Variants in ERBB4 observed in about 807,000 individuals in gnomAD.
ERBB4 encodes the protein erb-b2 receptor tyrosine kinase 4.
A neutral mutation model predicts 158.0 loss-of-function variants in ERBB4; 42 were observed. That is an observed-to-expected ratio of 0.27 (90% CI 0.21 to 0.34). The LOEUF is 0.34. Among genes scored for constraint, ERBB4 ranks in the 10% least tolerant of loss-of-function variants. The pLI is 1.00. For missense variants in ERBB4, 1,333 were observed against 1,624.1 expected (o/e 0.82, Z 3.08); for synonymous variants, 583 against 558.7 (o/e 1.04, Z -0.61).
chr2:211,762,460 C>G (rs1350028287), intron 4 of ERBB4, among the ~76,000 whole-genome samples: 1 of 151,942 alleles, frequency 6.6e-6, no homozygotes, highest in Non-Finnish European at 1.5e-5. Flanking sequence ...GGCTGGTGCA[C>G]GTGGAGAGAG....
chr2:212,064,991 GTGT>G, intron 2 of ERBB4, among the ~76,000 whole-genome samples: 1 of 14,016 alleles, frequency 7.1e-5, no homozygotes, highest in East Asian at 0.042. Flanking sequence ...TCTTTATGGT[GTGT>G]GTGTGTGTGT....
chr2:211,994,383 T>C (rs983113801), intron 2 of ERBB4, among the ~76,000 whole-genome samples: 2 of 152,140 alleles, frequency 1.3e-5, no homozygotes, highest in Non-Finnish European at 2.9e-5. Flanking sequence ...TCCTCCCCCA[T>C]TGGCCTCCCA....
intron 2 of ERBB4, among the ~76,000 whole-genome samples, chr2:212,001,244 T>G (rs1260998991): frequency 6.6e-6 from 1 of 152,160 alleles, no homozygotes; most frequent in Admixed American, 6.5e-5. Context: ...CAGTGGTTGC[T>G]GAAGTTATTG....
intron 3 of ERBB4, among the ~76,000 whole-genome samples, chr2:211,900,669 T>C (rs77578747): frequency 6.6e-5 from 10 of 152,320 alleles, no homozygotes; most frequent in East Asian, 5.8e-4. Flanking sequence ...CCTAGTGTTA[T>C]ATTTAGCAAG....
intron 9 of ERBB4, among the ~76,000 whole-genome samples, chr2:211,710,122 A>G (rs2073638440): frequency 6.6e-6 from 1 of 152,144 alleles, no homozygotes; most frequent in African/African-American, 2.4e-5. Flanking sequence ...TATAAATTTT[A>G]TTTCAGAATT....
At chr2:212,445,280 A>T (rs2092325846) in intron 1 of ERBB4, among the ~76,000 whole-genome samples, 1 of 152,116 alleles carries the variant, frequency 6.6e-6, no homozygotes, top group Non-Finnish European at 1.5e-5. Context: ...CATAGCCAGG[A>T]TTCACGGGTC....
intron 1 of ERBB4, among the ~76,000 whole-genome samples, chr2:212,444,776 C>G (rs2092317810): frequency 6.6e-6 from 1 of 152,098 alleles, no homozygotes; most frequent in Non-Finnish European, 1.5e-5. Context: ...AATTTGGCAG[C>G]AGCAGAAACC....
intron 3 of ERBB4, among the ~76,000 whole-genome samples, chr2:211,828,538 A>T (rs549154419): frequency 1.9e-4 from 29 of 151,548 alleles, no homozygotes; most frequent in Non-Finnish European, 3.4e-4. Context: ...ACAACAACAG[A>T]CTCAGAACAC....
intron 1 of ERBB4, among the ~76,000 whole-genome samples, chr2:212,522,279 T>A (rs1692212500): frequency 6.6e-6 from 1 of 151,988 alleles, no homozygotes; most frequent in Non-Finnish European, 1.5e-5. Context: ...TGAGATATTG[T>A]ATAAGAAGTG....
chr2:211,910,714 C>T (rs1273971820), intron 3 of ERBB4, among the ~76,000 whole-genome samples: 1 of 152,028 alleles, frequency 6.6e-6, no homozygotes, highest in African/African-American at 2.4e-5. Flanking sequence ...ATTTGTACCC[C>T]TAAACTTAAA....
At chr2:211,684,486 A>G (rs2072483707) in intron 12 of ERBB4, among the ~76,000 whole-genome samples, 1 of 152,100 alleles carries the variant, frequency 6.6e-6, no homozygotes. Context: ...AAAGAAAAGA[A>G]GAAAAGAAAA....
chr2:212,338,894 T>C (rs2088571314), intron 1 of ERBB4, among the ~76,000 whole-genome samples: 1 of 152,136 alleles, frequency 6.6e-6, no homozygotes, highest in African/African-American at 2.4e-5. Context: ...AATAGACTCA[T>C]CCATTCTCAA....
In ERBB4 at chr2:211,997,910, C is replaced by CACAT. The variant is rs1491220857; in HGVS notation, c.235-50295_235-50294insATGT. On this transcript the variant is annotated intron_variant, in intron 2 of 27. Coordinates refer to ENST00000342788, the MANE Select transcript of ERBB4 (RefSeq NM_005235.3). ...AGATTATTTTTATACACACACACAT[C>CACAT]ACACACACACACACACACACACAAA... is the stretch of plus-strand genomic sequence containing the variant. Among the ~76,000 whole-genome samples, 27 of 7,384 alleles carry CACAT rather than the reference C, an allele frequency of 3.7e-3. No homozygotes were observed. The South Asian group carries it at 0.051, about 14-fold the overall frequency. The allele number at this position is 7,384 out of a possible 152,430, so 4.8% of individuals were successfully genotyped here.
intron 20 of ERBB4, among the ~76,000 whole-genome samples, chr2:211,519,154 T>A (rs1293832754): frequency 1.3e-5 from 2 of 152,154 alleles, no homozygotes; most frequent in Non-Finnish European, 2.9e-5. Flanking sequence ...AGCATCTTGG[T>A]GGTAAATGAT....
chr2:211,697,778 C>T (rs2106018726), intron 12 of ERBB4, among the ~76,000 whole-genome samples: 1 of 152,148 alleles, frequency 6.6e-6, no homozygotes, highest in African/African-American at 2.4e-5. Context: ...GTGTTTGGAA[C>T]AAGGTTAATT....
At chr2:211,495,094 G>GA (rs1462105222) in intron 20 of ERBB4, among the ~76,000 whole-genome samples, 1 of 151,740 alleles carries the variant, frequency 6.6e-6, no homozygotes, top group African/African-American at 2.4e-5. Flanking sequence ...CAAAAATGGG[G>GA]AAAAAGTAGC....
intron 1 of ERBB4, among the ~76,000 whole-genome samples, chr2:212,293,899 T>C (rs555645868): frequency 2.0e-5 from 3 of 147,626 alleles, no homozygotes; most frequent in South Asian, 4.3e-4. Flanking sequence ...GTATGATGTG[T>C]ATAAGATGAT....
chr2:211,387,118 A>T lies in ERBB4; in HGVS notation c.3216T>A (p.Ala1072=), dbSNP rs776643311. 6.8e-6 allele frequency: 11 copies of T among 1,613,924 alleles called. No individual in the cohort carries two copies. The highest frequency in any genetic ancestry group is 9.3e-6 in the Non-Finnish European group (11 of 1,179,900). ...AGGGCACAGACACTCCTTGTTCAGC[A>T]GCAAAACCTCCATCTCGGTATACAA... The part of the protein sequence containing the change: ...NQFVYRDGGF[A]AEQGVSVPYR... The change falls in exon 27 of 28, where the codon GCT becomes GCA. Residue 1072 remains alanine, a synonymous_variant. Transcript: ENST00000342788.
chr2:211,882,587 G>A (rs1019779179), intron 3 of ERBB4, among the ~76,000 whole-genome samples: 3 of 152,130 alleles, frequency 2.0e-5, no homozygotes, highest in African/African-American at 4.8e-5. Flanking sequence ...GAGAGGCACA[G>A]CAATGTTCTG....
Sources: allele counts gnomAD v4.1 joint callset (sites outside exome capture counted in the v4.1 genomes callset), GRCh38; gene constraint gnomAD v4.1.1; transcripts MANE v1.5; gene names NCBI Gene and HGNC (gene_info 2026-07-23, HGNC 2026-07-21).